The following SNX30 variants were observed in gnomAD, a reference collection of about 807,000 sequenced individuals.
The protein encoded by SNX30 is sorting nexin family member 30, also known as sorting nexin-30.
In SNX30, 24 loss-of-function variants were observed where a neutral mutation model predicts 46.4. That is an observed-to-expected ratio of 0.52 (90% CI 0.37 to 0.73). The LOEUF is 0.73. SNX30 is among the 30% of genes least tolerant of loss of function. SNX30 has a pLI of 0.00. For missense variants in SNX30, 533 were observed against 555.7 expected (o/e 0.96, Z 0.41); for synonymous variants, 189 against 211.5 (o/e 0.89, Z 0.92).
chr9:112,885,103 C>T (rs1422919910), downstream of SNX30: 1 of 152,196 alleles, frequency 6.6e-6, no homozygotes, highest in Non-Finnish European at 1.5e-5. Flanking sequence ...CCTGCTGATC[C>T]ATACTTTAAT....
rs933284686 is a variant in SNX30 at position 112,874,074 on chromosome 9, G to C, written c.*5231G>C. ...ACAGGATTGATTGTTCGCAGTCTTA[G>C]ACCAACACTTCAGTCAGAAATGTTA... On this transcript the variant is annotated 3_prime_UTR_variant, in exon 9 of 9. Coordinates refer to ENST00000374232, the MANE Select transcript of SNX30 (RefSeq NM_001012994.2). The C allele has an allele frequency of 3.3e-5, 5 of 152,168 alleles. No individual in the cohort carries two copies. The South Asian group carries it at 1.0e-3, about 32-fold the overall frequency. 9.4% of individuals were successfully genotyped at this position (152,168 alleles called of 1,614,324 possible).
At chr9:112,875,075 GT>G, downstream of SNX30, 1 of 152,126 alleles carries the variant, frequency 6.6e-6, no homozygotes, top group East Asian at 1.9e-4. Flanking sequence ...CTCTTTACAA[GT>G]TTTCAGTTTG....
intron 6 of SNX30, among the ~76,000 whole-genome samples, chr9:112,840,799 A>C (rs1373789951): frequency 8.0e-5 from 10 of 125,052 alleles, no homozygotes; most frequent in Non-Finnish European, 1.1e-4. Context: ...TTTTTTTTTG[A>C]GACGGAGTCC....
Position 112,836,386 on chromosome 9 carries a change from AG to A in SNX30, c.792del (p.Gln264HisfsTer8). Reference protein sequence around the residue: ...LKLGTIDRIAQRIIKEEIEYL... With the variant: ...LKLGTIDRIAXRIIKEEIEYL... ...CTGGGAACCATTGATCGAATAGCCCAGCGGATCATCAAAGAAGAAATAGGTG... is the reference window on the plus strand; with the variant it reads ...CTGGGAACCATTGATCGAATAGCCCACGGATCATCAAAGAAGAAATAGGTG... On this transcript the variant is annotated frameshift_variant, in exon 5 of 9. Coordinates refer to ENST00000374232, the MANE Select transcript of SNX30 (RefSeq NM_001012994.2). LOFTEE classifies it high-confidence loss of function. 2 of 1,597,586 alleles carry A rather than the reference AG, an allele frequency of 1.3e-6. No homozygotes were observed. Among genetic ancestry groups the A allele is most frequent in the Non-Finnish European group, 1.7e-6 (2 of 1,165,886 alleles).
At chr9:112,880,113 C>T in exon 5 of SNX30, 1 of 259,976 alleles carries the variant, frequency 3.8e-6, no homozygotes, top group Non-Finnish European at 7.3e-6. Flanking sequence ...GGTGGATCAC[C>T]TGAAGTCAGG....
chr9:112,769,678 C>T (rs796224945), intron 1 of SNX30, among the ~76,000 whole-genome samples: 10 of 152,302 alleles, frequency 6.6e-5, no homozygotes, highest in African/African-American at 2.2e-4. Context: ...TGTAGGACTC[C>T]ATTCTGATAT....
At position 112,868,848 on chromosome 9, in the gene SNX30, C is replaced by A; in HGVS notation, c.*5C>A. 1 of 1,613,806 alleles carries A rather than the reference C, an allele frequency of 6.2e-7. No individual in the cohort carries two copies. The highest frequency in any genetic ancestry group is 8.5e-7 in the Non-Finnish European group (1 of 1,179,778). ...GAGAAACAAGAGGCCAAGTAAAGTT[C>A]TTTCTTGGGACGGAGACTCTTCTAC... is the stretch of plus-strand genomic sequence containing the variant. On this transcript the variant is annotated 3_prime_UTR_variant, in exon 9 of 9. Transcript: ENST00000374232.
At chr9:112,773,065 G>T (rs1839677847) in intron 1 of SNX30, among the ~76,000 whole-genome samples, 1 of 152,196 alleles carries the variant, frequency 6.6e-6, no homozygotes, top group African/African-American at 2.4e-5. Flanking sequence ...AAGCAAGGAA[G>T]CACACTGTGT....
intron 1 of SNX30, among the ~76,000 whole-genome samples, chr9:112,775,567 T>G (rs2070758960): frequency 6.6e-6 from 1 of 150,994 alleles, no homozygotes; most frequent in African/African-American, 2.4e-5. Flanking sequence ...TGTGTGTGTG[T>G]GTGTGTGTGT....
At chr9:112,789,859 A>G (rs1300450292) in intron 1 of SNX30, among the ~76,000 whole-genome samples, 9 of 152,254 alleles carry the variant, frequency 5.9e-5, no homozygotes, top group African/African-American at 1.4e-4. Flanking sequence ...TAGAAAACCT[A>G]TGAAAAACAT....
intron 2 of SNX30, among the ~76,000 whole-genome samples, chr9:112,807,008 T>C (rs1051555438): frequency 6.6e-6 from 1 of 151,054 alleles, no homozygotes; most frequent in Non-Finnish European, 1.5e-5. Flanking sequence ...CATTTAAGCC[T>C]GCTCCAGTTT....
intron 6 of SNX30, among the ~76,000 whole-genome samples, chr9:112,840,072 G>A (rs772957769): frequency 7.9e-5 from 12 of 152,196 alleles, no homozygotes; most frequent in African/African-American, 1.4e-4. Context: ...AACTGTGGAC[G>A]GTGGAAAATG....
At chr9:112,756,618 G>A (rs1839353948) in intron 1 of SNX30, among the ~76,000 whole-genome samples, 1 of 151,642 alleles carries the variant, frequency 6.6e-6, no homozygotes, top group Non-Finnish European at 1.5e-5. Context: ...CCACCACCAC[G>A]CCCAGCTAAT....
In SNX30 at chr9:112,870,272, G is replaced by GT. The variant is rs1204504087; in HGVS notation, c.*1436dup. The GT allele has an allele frequency of 6.6e-6, 1 of 152,096 alleles. No homozygotes were observed. The highest frequency in any genetic ancestry group is 1.5e-5 in the Non-Finnish European group (1 of 68,030). The allele number at this position is 152,096 out of a possible 1,614,324, so 9.4% of individuals were successfully genotyped here. ...GAATCTGAGCCTCAAATAAGCAGTA[G>GT]TTTTTTTGTTGTTTATTTTTAATGA... is the stretch of plus-strand genomic sequence containing the variant. On this transcript the variant is annotated 3_prime_UTR_variant, in exon 9 of 9. Transcript: ENST00000374232.
chr9:112,761,399 G>A lies in SNX30; in HGVS notation c.156+10242G>A, dbSNP rs185461698. Reference sequence around the variant, plus strand: ...GCTGGTCTCAAACTCCTGACTTCAGGTGATCCACCCTCCTTGGCCTCCCAG... The same window carrying A: ...GCTGGTCTCAAACTCCTGACTTCAGATGATCCACCCTCCTTGGCCTCCCAG... On this transcript the variant is annotated intron_variant, in intron 1 of 8. Transcript: ENST00000374232. 2.3e-3 allele frequency among the ~76,000 whole-genome samples: 352 copies of A among 152,272 alleles called. 5 individuals are homozygous for A. Among genetic ancestry groups the A allele is most frequent in the South Asian group, 2.3e-3 (11 of 4,824 alleles).
chr9:112,837,363 G>A (rs2185767), intron 5 of SNX30, among the ~76,000 whole-genome samples: 26,512 of 152,018 alleles, frequency 0.17, 3,114 homozygotes, highest in African/African-American at 0.34. Flanking sequence ...GGCTGAGGTG[G>A]CCACCGAGTG....
chr9:112,819,942 T>C (rs962393672), intron 3 of SNX30, among the ~76,000 whole-genome samples: 2 of 152,252 alleles, frequency 1.3e-5, no homozygotes, highest in African/African-American at 4.8e-5. Flanking sequence ...CCAGCCTTTT[T>C]GTACTGTACT....
chr9:112,796,630 T>C (rs1453607104), intron 1 of SNX30, among the ~76,000 whole-genome samples: 1 of 152,178 alleles, frequency 6.6e-6, no homozygotes, highest in Non-Finnish European at 1.5e-5. Flanking sequence ...ATGAGTACCT[T>C]CTGTGAAAAA....
At chr9:112,839,273 G>T (rs566871498) in intron 6 of SNX30, among the ~76,000 whole-genome samples, 1 of 152,170 alleles carries the variant, frequency 6.6e-6, no homozygotes, top group Non-Finnish European at 1.5e-5. Flanking sequence ...GACATAAATC[G>T]TCTGATTAAA....
Sources: allele counts gnomAD v4.1 joint callset (sites outside exome capture counted in the v4.1 genomes callset), GRCh38; gene constraint gnomAD v4.1.1; transcripts MANE v1.5; gene names NCBI Gene and HGNC (gene_info 2026-07-23, HGNC 2026-07-21).